Variants in E2F3 observed in about 807,000 individuals in gnomAD.
The protein encoded by E2F3 is transcription factor E2F3.
Under a neutral mutation model 44.4 loss-of-function variants are expected in E2F3, and 11 were observed. The ratio of observed to expected loss-of-function variants is 0.25; its 90% CI spans 0.16 to 0.41. The LOEUF is 0.41. E2F3 is among the 10% of genes least tolerant of loss of function. The pLI is 1.00. For synonymous variants in E2F3, 249 were observed against 253.0 expected (o/e 0.98, Z 0.15); for missense variants, 487 against 583.6 (o/e 0.83, Z 1.70).
At chr6:20,434,098 CTT>C (rs1172470610) in intron 1 of E2F3, among the ~76,000 whole-genome samples, 3 of 152,196 alleles carry the variant, frequency 2.0e-5, no homozygotes, top group African/African-American at 7.2e-5. Flanking sequence ...GCAGAAAAAT[CTT>C]TGCACAGCTG....
chr6:20,416,462 C>T (rs1393014491), intron 1 of E2F3, among the ~76,000 whole-genome samples: 1 of 152,222 alleles, frequency 6.6e-6, no homozygotes, highest in Non-Finnish European at 1.5e-5. Context: ...GATTTTGCCA[C>T]ATCATAAATA....
At chr6:20,462,191 A>T (rs892807263) in intron 1 of E2F3, among the ~76,000 whole-genome samples, 1 of 152,204 alleles carries the variant, frequency 6.6e-6, no homozygotes, top group Non-Finnish European at 1.5e-5. Flanking sequence ...TTGTTGACAG[A>T]TAGCACGTGT....
At chr6:20,461,418 C>T (rs1249747878) in intron 1 of E2F3, among the ~76,000 whole-genome samples, 3 of 152,070 alleles carry the variant, frequency 2.0e-5, no homozygotes, top group East Asian at 1.9e-4. Flanking sequence ...GGCGTGAACC[C>T]GGGAGGCAGA....
intron 1 of E2F3, among the ~76,000 whole-genome samples, chr6:20,472,992 A>G (rs1017510076): frequency 7.9e-5 from 12 of 152,220 alleles, no homozygotes; most frequent in Admixed American, 7.9e-4. Flanking sequence ...GATTTATGGG[A>G]AAAACTTTTT....
chr6:20,467,827 C>G (rs1185134635), intron 1 of E2F3, among the ~76,000 whole-genome samples: 1 of 151,316 alleles, frequency 6.6e-6, no homozygotes, highest in Admixed American at 6.6e-5. Flanking sequence ...TGATCCACCT[C>G]TAAATTCCAT....
At chr6:20,488,612 A>C (rs1178890480) in intron 6 of E2F3, among the ~76,000 whole-genome samples, 1 of 152,172 alleles carries the variant, frequency 6.6e-6, no homozygotes, top group African/African-American at 2.4e-5. Flanking sequence ...GAAATGAAAA[A>C]GGTTTGAGGA....
At chr6:20,459,549 T>A (rs1432730759) in intron 1 of E2F3, among the ~76,000 whole-genome samples, 2 of 152,280 alleles carry the variant, frequency 1.3e-5, no homozygotes, top group East Asian at 3.9e-4. Context: ...CATAGAAAAT[T>A]TTTTTATCTT....
intron 1 of E2F3, among the ~76,000 whole-genome samples, chr6:20,449,519 T>C (rs1435985332): frequency 1.3e-5 from 2 of 152,226 alleles, no homozygotes; most frequent in Non-Finnish European, 2.9e-5. Flanking sequence ...ACTTCATACA[T>C]GTGCAGGTAT....
At position 20,488,261 on chromosome 6, in the gene E2F3, C is replaced by T; in HGVS notation, c.1135+13C>T. 6.4e-7 allele frequency: 1 copy of T among 1,572,406 alleles called. No individual in the cohort carries two copies. ...CCCGCTTCCAAAGGTAAAAACTCCACTTTTGTCTTTTAGAAACTATGTTAA... is the reference window on the plus strand; with the variant it reads ...CCCGCTTCCAAAGGTAAAAACTCCATTTTTGTCTTTTAGAAACTATGTTAA... On this transcript the variant is annotated intron_variant, in intron 6 of 6. Coordinates refer to ENST00000346618, the MANE Select transcript of E2F3 (RefSeq NM_001949.5).
intron 1 of E2F3, among the ~76,000 whole-genome samples, chr6:20,429,777 T>G (rs1432679138): frequency 2.6e-5 from 4 of 152,116 alleles, no homozygotes; most frequent in Admixed American, 2.6e-4. Context: ...CACTAAACAG[T>G]GGCAAGTTAC....
intron 1 of E2F3, among the ~76,000 whole-genome samples, chr6:20,413,795 C>T (rs1288168202): frequency 2.0e-5 from 3 of 152,062 alleles, no homozygotes; most frequent in Admixed American, 6.5e-5. Context: ...ATTTAGAGTA[C>T]GGGCGCTATT....
At position 20,402,524 on chromosome 6, in the gene E2F3, C is replaced by T. The variant is rs750492564; in HGVS notation, c.292C>T (p.Leu98Phe). 4 of 1,599,970 alleles carry T rather than the reference C, an allele frequency of 2.5e-6. No homozygotes were observed. The highest frequency in any genetic ancestry group is 1.7e-4 in the Middle Eastern group (1 of 5,820). Residue 98 changes from leucine to phenylalanine, a missense_variant, in exon 1 of 7, where the codon CTC becomes TTC. Transcript: ENST00000346618. The surrounding 1 kb of genome is among the most constrained non-coding windows in gnomAD (Gnocchi z 5.6). ...CGGCGCGGAGCAGACCGCCGGCAGC[C>T]TCCTCTACACCACGCCGCACGGACC... The part of the protein sequence containing the change: ...APGAEQTAGS[L>F]LYTTPHGPSS...
intron 1 of E2F3, among the ~76,000 whole-genome samples, chr6:20,428,039 A>G (rs995365853): frequency 6.6e-6 from 1 of 152,080 alleles, no homozygotes; most frequent in Non-Finnish European, 1.5e-5. Context: ...GAAGTACTGA[A>G]ATGTTTATTT....
chr6:20,416,927 G>T (rs1759866737), intron 1 of E2F3, among the ~76,000 whole-genome samples: 1 of 152,134 alleles, frequency 6.6e-6, no homozygotes, highest in African/African-American at 2.4e-5. Context: ...GGCTTTGGGA[G>T]GCCTCCTAAG....
chr6:20,480,027 G>A (rs1253300345), intron 2 of E2F3, 70 bp downstream of exon 2: 15 of 1,528,158 alleles, frequency 9.8e-6, no homozygotes, highest in Admixed American at 2.1e-5. Context: ...GCTTATGGCC[G>A]GAAGGATGCC....
At chr6:20,447,541 C>CT (rs113706367) in intron 1 of E2F3, among the ~76,000 whole-genome samples, 7,003 of 144,164 alleles carry the variant, frequency 0.049, 377 homozygotes, top group African/African-American at 0.14. Flanking sequence ...TCTCAGCAAT[C>CT]TTTTTTTTTT....
chr6:20,474,570 C>T lies in E2F3; in HGVS notation c.394-5276C>T, dbSNP rs143783860. Among the ~76,000 whole-genome samples the T allele has an allele frequency of 7.1e-3, 1,083 of 152,268 alleles. 16 individuals are homozygous for T. Among genetic ancestry groups the T allele is most frequent in the African/African-American group, 0.024 (1,003 of 41,536 alleles). ...ACCTCTCCAATCAGTACGATGCTCA[C>T]GCTGTGAACTAACAAAAATTGAGAT... On this transcript the variant is annotated intron_variant, in intron 1 of 6. Transcript: ENST00000346618.
intron 1 of E2F3, among the ~76,000 whole-genome samples, chr6:20,435,331 A>G (rs1334597406): frequency 6.6e-6 from 1 of 152,146 alleles, no homozygotes; most frequent in East Asian, 1.9e-4. Flanking sequence ...TATATGGGAG[A>G]ATGACGTATT....
intron 1 of E2F3, among the ~76,000 whole-genome samples, chr6:20,447,136 CAG>C (rs1363348300): frequency 7.2e-5 from 11 of 152,176 alleles, no homozygotes; most frequent in Admixed American, 2.6e-4. Context: ...CCTCTGAACA[CAG>C]AGGAAGGAGG....
Sources: gnomAD v4.1 joint callset for allele counts (sites outside exome capture counted in the v4.1 genomes callset) on GRCh38, gnomAD v4.1.1 for gene constraint, Gnocchi (gnomAD v3.1) non-coding constraint, MANE v1.5 for transcripts, NCBI Gene and HGNC (gene_info 2026-07-23, HGNC 2026-07-21) for gene names.